The following WDFY3 variants were observed in gnomAD, a reference collection of about 807,000 sequenced individuals.
WDFY3 encodes the protein WD repeat and FYVE domain containing 3, also known as WD repeat and FYVE domain-containing protein 3.
A neutral mutation model predicts 409.6 loss-of-function variants in WDFY3; 66 were observed. The observed-to-expected ratio is 0.16, with a 90% CI of 0.13 to 0.20. WDFY3 has a LOEUF of 0.20. WDFY3 is among the 10% of genes least tolerant of loss of function. The pLI, the probability that WDFY3 is intolerant of heterozygous loss-of-function variation, is 1.00. For missense variants in WDFY3, 3,031 were observed against 4,298.1 expected, an observed-to-expected ratio of 0.71 and a Z score of 8.24; for synonymous variants, 1,521 against 1,537.1, an observed-to-expected ratio of 0.99 and a Z score of 0.25.
chr4:84,831,189 A>T (rs971765637), intron 8 of WDFY3, among the ~76,000 whole-genome samples: 12 of 150,734 alleles, frequency 8.0e-5, no homozygotes, highest in Non-Finnish European at 4.4e-5. Context: ...TCCATCCAAA[A>T]AAAAAAAAAA....
chr4:84,815,063 G>T (rs181881855), intron 13 of WDFY3, among the ~76,000 whole-genome samples: 34 of 152,180 alleles, frequency 2.2e-4, no homozygotes, highest in African/African-American at 7.9e-4. Flanking sequence ...ACACTGGTCT[G>T]TCCTAGTTAA....
chr4:84,822,703 T>C (rs755052398), intron 10 of WDFY3, among the ~76,000 whole-genome samples: 16 of 152,030 alleles, frequency 1.1e-4, no homozygotes, highest in Non-Finnish European at 2.1e-4. Context: ...CAGAAAGCAA[T>C]CCTGTCTGTA....
chr4:84,734,953 T>C (rs926207559), intron 43 of WDFY3, 90 bp downstream of exon 43: 3 of 1,106,616 alleles, frequency 2.7e-6, no homozygotes, highest in Non-Finnish European at 4.0e-6. Flanking sequence ...GCAAGTACCT[T>C]AAAATGGGCA....
At chr4:84,788,304 A>G (rs562274555) in intron 22 of WDFY3, among the ~76,000 whole-genome samples, 2 of 152,304 alleles carry the variant, frequency 1.3e-5, no homozygotes, top group East Asian at 3.9e-4. Flanking sequence ...ATTATTCTAT[A>G]TATTAAACAG....
At chr4:84,929,470 C>CT (rs1228571024) in intron 2 of WDFY3, among the ~76,000 whole-genome samples, 1 of 122,518 alleles carries the variant, frequency 8.2e-6, no homozygotes, top group East Asian at 2.4e-4. Flanking sequence ...TTGAATTGCG[C>CT]CCCCCCCCCC....
chr4:84,926,160 G>A (rs1387157574), intron 2 of WDFY3, among the ~76,000 whole-genome samples: 3 of 141,170 alleles, frequency 2.1e-5, no homozygotes, highest in Admixed American at 7.0e-5. Flanking sequence ...AGCCAAGATC[G>A]CGCCACCGCA....
At chr4:84,791,611 TAA>T (rs1748540651) in intron 21 of WDFY3, among the ~76,000 whole-genome samples, 1 of 152,166 alleles carries the variant, frequency 6.6e-6, no homozygotes, top group Admixed American at 6.5e-5. Context: ...GAGAAAAATG[TAA>T]AGTTTATTCT....
At chr4:84,906,641 T>C (rs146167845) in intron 2 of WDFY3, among the ~76,000 whole-genome samples, 18 of 152,334 alleles carry the variant, frequency 1.2e-4, no homozygotes, top group African/African-American at 1.7e-4. Context: ...ATATAACCTA[T>C]GCACATTTTC....
chr4:84,952,913 CA>C (rs1192222248), intron 1 of WDFY3, among the ~76,000 whole-genome samples: 1 of 152,020 alleles, frequency 6.6e-6, no homozygotes, highest in Non-Finnish European at 1.5e-5. Flanking sequence ...ACCTGTAACC[CA>C]ACAACCTTTC....
intron 7 of WDFY3, among the ~76,000 whole-genome samples, chr4:84,833,887 G>GA (rs1394405626): frequency 6.6e-6 from 1 of 151,662 alleles, no homozygotes; most frequent in East Asian, 1.9e-4. Context: ...TATCAGAAAG[G>GA]AAAAAAAGGT....
intron 1 of WDFY3, among the ~76,000 whole-genome samples, chr4:84,955,090 C>A (rs981578145): frequency 1.3e-5 from 2 of 151,846 alleles, no homozygotes; most frequent in African/African-American, 4.8e-5. Flanking sequence ...GTAGTCTTAG[C>A]TATTCAGGAG....
intron 6 of WDFY3, among the ~76,000 whole-genome samples, chr4:84,840,575 G>A (rs768450932): frequency 9.2e-5 from 14 of 151,650 alleles, no homozygotes; most frequent in Non-Finnish European, 2.1e-4. Context: ...CTCTACAAAT[G>A]GTATCATTAA....
rs1023260490 is a variant in WDFY3 at position 84,881,929 on chromosome 4, T to C, written c.-32+14982A>G. 1.7e-4 allele frequency among the ~76,000 whole-genome samples: 26 copies of C among 152,184 alleles called. 1 individual carries two copies. Among genetic ancestry groups the C allele is most frequent in the Non-Finnish European group, 1.5e-5 (1 of 68,038 alleles). On this transcript the variant is annotated intron_variant, in intron 3 of 67. Coordinates refer to ENST00000295888, the MANE Select transcript of WDFY3 (RefSeq NM_014991.6). ...GATCTATTATTAAGATCTACTTTTCTGTTTCTGTTTTAAAGTATGTACATT... is the reference window on the plus strand; with the variant it reads ...GATCTATTATTAAGATCTACTTTTCCGTTTCTGTTTTAAAGTATGTACATT...
intron 62 of WDFY3, 114 bp downstream of exon 62, chr4:84,687,972 T>C: frequency 8.9e-7 from 1 of 1,126,514 alleles, no homozygotes; most frequent in Non-Finnish European, 1.3e-6. Flanking sequence ...CCTCCTGCGG[T>C]AGCCTCCTGA....
intron 25 of WDFY3, among the ~76,000 whole-genome samples, chr4:84,782,556 G>A (rs1392346272): frequency 6.6e-6 from 1 of 152,128 alleles, no homozygotes; most frequent in African/African-American, 2.4e-5. Flanking sequence ...TCCCCTGACA[G>A]GCCCTGGTAT....
intron 1 of WDFY3, among the ~76,000 whole-genome samples, chr4:84,960,807 T>C (rs967195473): frequency 1.3e-5 from 2 of 152,186 alleles, no homozygotes; most frequent in Non-Finnish European, 2.9e-5. Context: ...TTATTTCATA[T>C]CATCTTCTGA....
At chr4:84,778,768 C>G in intron 26 of WDFY3, 113 bp from the exon 27 acceptor site, 1 of 948,892 alleles carries the variant, frequency 1.1e-6, no homozygotes, top group Non-Finnish European at 1.5e-6. Flanking sequence ...CAAACACACA[C>G]ATACACACAG....
chr4:84,818,049 G>C (rs1198820887), intron 12 of WDFY3, among the ~76,000 whole-genome samples: 4 of 152,130 alleles, frequency 2.6e-5, no homozygotes, highest in Non-Finnish European at 5.9e-5. Flanking sequence ...TTGTTGCACA[G>C]GTAGAGCATA....
At chr4:84,880,449 T>C (rs1167550547) in intron 3 of WDFY3, among the ~76,000 whole-genome samples, 3 of 151,620 alleles carry the variant, frequency 2.0e-5, no homozygotes, top group African/African-American at 7.3e-5. Context: ...AAATGGGTTA[T>C]AAATGTTAGT....
Sources: gnomAD v4.1 joint callset for allele counts (sites outside exome capture counted in the v4.1 genomes callset) on GRCh38, gnomAD v4.1.1 for gene constraint, MANE v1.5 for transcripts, NCBI Gene and HGNC (gene_info 2026-07-23, HGNC 2026-07-21) for gene names.